Variants in LRMDA observed in about 807,000 individuals in gnomAD.
LRMDA encodes the protein leucine rich melanocyte differentiation associated, also known as leucine-rich melanocyte differentiation-associated protein.
LRMDA carries 18 observed loss-of-function variants against 29.8 expected under a neutral mutation model. The ratio of observed to expected loss-of-function variants is 0.60; its 90% CI spans 0.42 to 0.90. LRMDA has a LOEUF of 0.90. Among genes scored for constraint, LRMDA ranks in the 40% least tolerant of loss-of-function variants. LRMDA has a pLI of 0.00. For synonymous variants in LRMDA, 125 were observed against 109.4 expected, an observed-to-expected ratio of 1.14 and a Z score of -0.89; for missense variants, 273 against 273.9, an observed-to-expected ratio of 1.00 and a Z score of 0.02.
intron 2 of LRMDA, among the ~76,000 whole-genome samples, chr10:75,488,123 T>C (rs1844937481): frequency 1.3e-5 from 2 of 152,132 alleles, no homozygotes; most frequent in Non-Finnish European, 2.9e-5. Context: ...CTGAGGATGC[T>C]AAATGGTGTA....
chr10:76,539,810 T>C (rs1354261686), intron 6 of LRMDA, among the ~76,000 whole-genome samples: 1 of 152,150 alleles, frequency 6.6e-6, no homozygotes, highest in Non-Finnish European at 1.5e-5. Context: ...AAGAGGTTTA[T>C]CCTCTGCCAC....
intron 2 of LRMDA, among the ~76,000 whole-genome samples, chr10:75,707,534 C>G (rs747238014): frequency 1.3e-5 from 2 of 152,158 alleles, no homozygotes; most frequent in Admixed American, 6.5e-5. Context: ...AGCCGGTGAC[C>G]GAGGATGCTG....
chr10:75,753,603 G>C (rs1842992402), intron 2 of LRMDA, among the ~76,000 whole-genome samples: 4 of 152,188 alleles, frequency 2.6e-5, no homozygotes. Context: ...GGAACGGAAT[G>C]CTGACAGAGG....
chr10:76,193,616 C>T (rs564432670), intron 5 of LRMDA, among the ~76,000 whole-genome samples: 1 of 152,110 alleles, frequency 6.6e-6, no homozygotes, highest in Non-Finnish European at 1.5e-5. Context: ...TGAATGTGCC[C>T]TTATTTTTTA....
chr10:75,889,645 A>C (rs139040377), intron 2 of LRMDA, among the ~76,000 whole-genome samples: 20 of 152,298 alleles, frequency 1.3e-4, no homozygotes, highest in African/African-American at 4.6e-4. Flanking sequence ...CAACTTACTA[A>C]AGATCAGAGC....
chr10:75,800,038 T>C (rs1443640841), intron 2 of LRMDA, among the ~76,000 whole-genome samples: 1 of 152,212 alleles, frequency 6.6e-6, no homozygotes, highest in Non-Finnish European at 1.5e-5. Flanking sequence ...TCAAGTATTA[T>C]TGATCTTTCT....
intron 5 of LRMDA, among the ~76,000 whole-genome samples, chr10:76,082,091 T>C (rs1002798892): frequency 1.3e-5 from 2 of 152,160 alleles, no homozygotes; most frequent in Admixed American, 6.5e-5. Flanking sequence ...AGGATTTTTT[T>C]CAACCAAATG....
rs143835978 is a variant in LRMDA, at chr10:75,697,134, G to A, written c.131+258640G>A. Among the ~76,000 whole-genome samples, 346 of 152,242 alleles carry A rather than the reference G, an allele frequency of 2.3e-3. 2 individuals are homozygous for A. Among genetic ancestry groups the A allele is most frequent in the Middle Eastern group, 3.4e-3 (1 of 294 alleles). On this transcript the variant is annotated intron_variant, in intron 2 of 6. Coordinates refer to ENST00000611255, the MANE Select transcript of LRMDA (RefSeq NM_001305581.2). ...TTCAGCAGAGTCACCTCAAGGAGGT[G>A]AGATCAGTAGGAACTCCACCAAATA...
chr10:76,213,935 C>T (rs1851679285), intron 5 of LRMDA, among the ~76,000 whole-genome samples: 1 of 150,700 alleles, frequency 6.6e-6, no homozygotes, highest in Non-Finnish European at 1.5e-5. Flanking sequence ...AAAACTATAG[C>T]TAGGGGGAAT....
intron 2 of LRMDA, among the ~76,000 whole-genome samples, chr10:75,654,255 T>G (rs1589147599): frequency 6.6e-6 from 1 of 152,336 alleles, no homozygotes; most frequent in South Asian, 2.1e-4. Context: ...TGTGGGTAGG[T>G]GTCTTAATGT....
intron 2 of LRMDA, among the ~76,000 whole-genome samples, chr10:75,771,030 G>C (rs1400384843): frequency 1.3e-5 from 2 of 152,166 alleles, no homozygotes; most frequent in African/African-American, 4.8e-5. Flanking sequence ...TGGAGGGGCT[G>C]GAAATAAGAC....
At chr10:75,631,719 T>G (rs2132113312) in intron 2 of LRMDA, among the ~76,000 whole-genome samples, 1 of 152,274 alleles carries the variant, frequency 6.6e-6, no homozygotes, top group East Asian at 1.9e-4. Flanking sequence ...GGGCCTTCTT[T>G]GACTCGAAGT....
chr10:76,289,067 G>T (rs778957793), intron 5 of LRMDA, among the ~76,000 whole-genome samples: 1 of 152,106 alleles, frequency 6.6e-6, no homozygotes, highest in African/African-American at 2.4e-5. Context: ...CCAAACCAAG[G>T]GCAAGGACAT....
intron 2 of LRMDA, among the ~76,000 whole-genome samples, chr10:75,470,809 A>C (rs1844717128): frequency 1.3e-5 from 2 of 152,176 alleles, no homozygotes; most frequent in Non-Finnish European, 2.9e-5. Context: ...AGGGCCGCTT[A>C]CTTCCTAGGT....
intron 2 of LRMDA, among the ~76,000 whole-genome samples, chr10:75,920,827 C>T (rs902571934): frequency 1.1e-4 from 17 of 152,306 alleles, no homozygotes; most frequent in African/African-American, 3.4e-4. Context: ...GGAAGTACTG[C>T]CTCTTCTTTA....
At chr10:76,062,864 C>G (rs1225203313) in intron 5 of LRMDA, among the ~76,000 whole-genome samples, 2 of 152,124 alleles carry the variant, frequency 1.3e-5, no homozygotes, top group Non-Finnish European at 2.9e-5. Context: ...AAAGAGCCCG[C>G]TAGTAACCAA....
intron 2 of LRMDA, among the ~76,000 whole-genome samples, chr10:75,446,615 G>T (rs1235197719): frequency 6.6e-6 from 1 of 152,196 alleles, no homozygotes; most frequent in Non-Finnish European, 1.5e-5. Flanking sequence ...ATAACCCTTT[G>T]CTTATCTGTT....
chr10:75,977,886 C>A (rs188276620), intron 2 of LRMDA, among the ~76,000 whole-genome samples: 13 of 151,694 alleles, frequency 8.6e-5, no homozygotes, highest in African/African-American at 2.7e-4. Flanking sequence ...GGTACTTAAC[C>A]TCTCTGTGCC....
intron 5 of LRMDA, among the ~76,000 whole-genome samples, chr10:76,116,327 A>G (rs867218371): frequency 5.3e-5 from 8 of 152,320 alleles, no homozygotes; most frequent in Admixed American, 1.3e-4. Flanking sequence ...AATTCTGTAA[A>G]TTTACAGAAT....
Sources: allele counts gnomAD v4.1 joint callset (sites outside exome capture counted in the v4.1 genomes callset), GRCh38; gene constraint gnomAD v4.1.1; transcripts MANE v1.5; gene names NCBI Gene and HGNC (gene_info 2026-07-23, HGNC 2026-07-21).